The following EFR3B variants were observed in gnomAD, a reference collection of about 807,000 sequenced individuals.
The protein encoded by EFR3B is protein EFR3 homolog B.
Under a neutral mutation model 104.7 loss-of-function variants are expected in EFR3B, and 64 were observed. The ratio of observed to expected loss-of-function variants is 0.61; its 90% CI spans 0.50 to 0.75. The LOEUF (loss-of-function observed/expected upper bound fraction) is 0.75. EFR3B is among the 30% of genes least tolerant of loss of function. The pLI is 0.00. For missense variants in EFR3B, 750 were observed against 1,078.5 expected, an observed-to-expected ratio of 0.70 and a Z score of 4.27; for synonymous variants, 385 against 417.9, an observed-to-expected ratio of 0.92 and a Z score of 0.96.
At chr2:25,140,438 G>C (rs1429977061) in intron 16 of EFR3B, among the ~76,000 whole-genome samples, 1 of 152,186 alleles carries the variant, frequency 6.6e-6, no homozygotes, top group Non-Finnish European at 1.5e-5. Flanking sequence ...ACCACTCAAA[G>C]GGAAGCAGGA....
Position 25,152,028 on chromosome 2 carries a change from A to C in EFR3B, c.2298+8A>C. ...GCACACTGCGGGGCCCGGGTAAGTG[A>C]AGCATGACATGGGCGAGTCCCTGGG... On this transcript the variant is annotated splice_region_variant and intron_variant, in intron 21 of 22. Coordinates refer to ENST00000403714, the MANE Select transcript of EFR3B (RefSeq NM_014971.2). 6.4e-7 allele frequency: 1 copy of C among 1,551,392 alleles called. No individual in the cohort carries two copies. The highest frequency in any genetic ancestry group is 8.7e-7 in the Non-Finnish European group (1 of 1,146,790).
chr2:25,145,068 C>A lies in EFR3B; in HGVS notation c.2142+17C>A. The A allele has an allele frequency of 6.4e-7, 1 of 1,551,182 alleles. No homozygotes were observed. Among genetic ancestry groups the A allele is most frequent in the Non-Finnish European group, 8.7e-7 (1 of 1,146,476 alleles). On this transcript the variant is annotated intron_variant, in intron 19 of 22. Transcript: ENST00000403714. ...AAGGAGGAGGTGAGTGTCCGTGCCA[C>A]CGTCCTGGGGCAGCCCCACCTCCTG...
intron 21 of EFR3B, among the ~76,000 whole-genome samples, chr2:25,153,505 A>G (rs551652622): frequency 6.5e-4 from 99 of 152,236 alleles, no homozygotes; most frequent in African/African-American, 2.3e-3. Flanking sequence ...TCCTGTCCCC[A>G]GCCAGCCTTC....
At chr2:25,052,287 T>G (rs1387621578) in intron 1 of EFR3B, among the ~76,000 whole-genome samples, 1 of 151,914 alleles carries the variant, frequency 6.6e-6, no homozygotes, top group Non-Finnish European at 1.5e-5. Flanking sequence ...TCTCTTGTTC[T>G]CTACTGCATC....
chr2:25,153,988 G>A (rs1005473933), intron 22 of EFR3B, among the ~76,000 whole-genome samples: 2 of 152,180 alleles, frequency 1.3e-5, no homozygotes, highest in African/African-American at 2.4e-5. Context: ...CTGGAAAGAC[G>A]CAAGAGTCCT....
chr2:25,154,380 G>A lies in EFR3B; in HGVS notation c.*40G>A, dbSNP rs1200292839. The A allele has an allele frequency of 6.5e-7, 1 of 1,530,578 alleles. No homozygotes were observed. The highest frequency in any genetic ancestry group is 1.2e-5 in the South Asian group (1 of 83,558). 94.8% of individuals were successfully genotyped at this position (1,530,578 alleles called of 1,614,324 possible). On this transcript the variant is annotated 3_prime_UTR_variant, in exon 23 of 23. Transcript: ENST00000403714. The surrounding 1 kb of genome is among the most constrained non-coding windows in gnomAD (Gnocchi z 4.1). ...AGCTCCTCAAGGAGATGGGGTCTGA[G>A]GAGGGGCTCACCTCACGCCCACCCC...
Position 25,137,603 on chromosome 2 carries a change from GT to G in EFR3B, c.1722+105del. On this transcript the variant is annotated intron_variant, in intron 15 of 22. Coordinates refer to ENST00000403714, the MANE Select transcript of EFR3B (RefSeq NM_014971.2). This position sits in a 1 kb window ranked among gnomAD's most constrained non-coding sequence, Gnocchi z 4.7. ...TATTGACTAGCAACTGCTTAACACT[GT>G]TTTGGAGCCCAGGAATATTGTACTC... 2 of 1,474,330 alleles carry G rather than the reference GT, an allele frequency of 1.4e-6. No homozygotes were observed. The highest frequency in any genetic ancestry group is 2.6e-5 in the South Asian group (2 of 76,068). 91.3% of individuals were successfully genotyped at this position (1,474,330 alleles called of 1,614,324 possible). A position where few individuals can be genotyped will look rare whatever the true frequency, so the allele number is the denominator to read the frequency against.
chr2:25,051,063 G>A (rs1667853422), intron 1 of EFR3B, among the ~76,000 whole-genome samples: 1 of 152,112 alleles, frequency 6.6e-6, no homozygotes, highest in Non-Finnish European at 1.5e-5. Context: ...CTCCTGGTTT[G>A]CTCATGGAGG....
At chr2:25,118,946 A>G (rs1483617294) in intron 4 of EFR3B, among the ~76,000 whole-genome samples, 1 of 152,026 alleles carries the variant, frequency 6.6e-6, no homozygotes, top group African/African-American at 2.4e-5. Flanking sequence ...TGGGAGAATC[A>G]GACTCCCAAA....
intron 1 of EFR3B, among the ~76,000 whole-genome samples, chr2:25,075,036 T>C (rs1173612583): frequency 6.6e-6 from 1 of 152,240 alleles, no homozygotes; most frequent in Non-Finnish European, 1.5e-5. Flanking sequence ...GTGAACATCC[T>C]GCGTAACTAT....
rs551219871 is a variant in EFR3B, at chr2:25,103,833, G to C, written c.363+46G>C. 143 of 1,546,030 alleles carry C rather than the reference G, an allele frequency of 9.2e-5. No homozygotes were observed. The African/African-American group carries it at 1.8e-3, about 19-fold the overall frequency. The stretch of plus-strand genomic sequence containing the variant: ...CTCCAGGTCTCCCAGCCGCATCCTG[G>C]GGGGTGGCAGGGGAGAGGGAGACCT... On this transcript the variant is annotated intron_variant, in intron 4 of 22. Coordinates refer to ENST00000403714, the MANE Select transcript of EFR3B (RefSeq NM_014971.2).
intron 1 of EFR3B, among the ~76,000 whole-genome samples, chr2:25,054,759 C>A (rs1667973623): frequency 6.6e-6 from 1 of 152,114 alleles, no homozygotes; most frequent in Admixed American, 6.5e-5. Context: ...AACGTAGAAA[C>A]AGGGCTCCTG....
intron 1 of EFR3B, chr2:25,080,155 C>T: frequency 7.4e-7 from 1 of 1,358,574 alleles, no homozygotes; most frequent in Non-Finnish European, 1.0e-6. Context: ...CATGATTCTT[C>T]AAAAAATGTT....
At chr2:25,058,555 T>G (rs957517245) in intron 1 of EFR3B, among the ~76,000 whole-genome samples, 1 of 151,966 alleles carries the variant, frequency 6.6e-6, no homozygotes, top group Admixed American at 6.6e-5. Context: ...GGTCAGGAGT[T>G]TGAGAACAGC....
chr2:25,141,242 GA>G, intron 16 of EFR3B, 123 bp from the exon 17 acceptor site: 1 of 973,868 alleles, frequency 1.0e-6, no homozygotes. Flanking sequence ...CTCAGCTGAG[GA>G]CACTGTGCTG....
intron 4 of EFR3B, among the ~76,000 whole-genome samples, chr2:25,112,948 G>A (rs537195420): frequency 5.3e-5 from 8 of 151,612 alleles, no homozygotes; most frequent in East Asian, 1.9e-4. Context: ...TGATAAGACC[G>A]GGAGAGAGCT....
At position 25,155,775 on chromosome 2, in the gene EFR3B, T is replaced by A. The variant is rs948621792; in HGVS notation, c.*1435T>A. On this transcript the variant is annotated 3_prime_UTR_variant, in exon 23 of 23. Coordinates refer to ENST00000403714, the MANE Select transcript of EFR3B (RefSeq NM_014971.2). ...AACATAACCTACAGTAAGATGTGAGTGTCAGACGTTCTCTCCCTGGAGTCT... is the reference window on the plus strand; with the variant it reads ...AACATAACCTACAGTAAGATGTGAGAGTCAGACGTTCTCTCCCTGGAGTCT... The A allele has an allele frequency of 1.3e-5, 2 of 152,118 alleles. No homozygotes were observed. Among genetic ancestry groups the A allele is most frequent in the Non-Finnish European group, 2.9e-5 (2 of 68,010 alleles). The allele number at this position is 152,118 out of a possible 1,614,324, so 9.4% of individuals were successfully genotyped here. A position where few individuals can be genotyped will look rare whatever the true frequency, so the allele number is the denominator to read the frequency against.
intron 19 of EFR3B, among the ~76,000 whole-genome samples, chr2:25,148,802 G>A (rs1228553232): frequency 6.7e-6 from 1 of 150,368 alleles, no homozygotes; most frequent in Non-Finnish European, 1.5e-5. Context: ...GGCGCCTGTA[G>A]TCCCAGCTAC....
In EFR3B at chr2:25,154,701, G is replaced by A. The variant is rs531295030; in HGVS notation, c.*361G>A. On this transcript the variant is annotated 3_prime_UTR_variant, in exon 23 of 23. Coordinates refer to ENST00000403714, the MANE Select transcript of EFR3B (RefSeq NM_014971.2). This position sits in a 1 kb window ranked among gnomAD's most constrained non-coding sequence, Gnocchi z 4.1. ...GGGCATGTCCTCCCCAGAGGACGGA[G>A]CTGGATGGAGACTTGGTTGGTGAGA... 4.5e-5 allele frequency: 9 copies of A among 200,216 alleles called. No homozygotes were observed. The East Asian group carries it at 1.2e-3, about 27-fold the overall frequency. 12.4% of individuals were successfully genotyped at this position (200,216 alleles called of 1,614,324 possible).
Sources: gnomAD v4.1 joint callset for allele counts (sites outside exome capture counted in the v4.1 genomes callset) on GRCh38, gnomAD v4.1.1 for gene constraint, Gnocchi (gnomAD v3.1) non-coding constraint, MANE v1.5 for transcripts, NCBI Gene and HGNC (gene_info 2026-07-23, HGNC 2026-07-21) for gene names.